CNBD1: variants seen among roughly 807,000 people sequenced by gnomAD.
CNBD1 encodes the protein cyclic nucleotide-binding domain-containing protein 1.
A neutral mutation model predicts 54.4 loss-of-function variants in CNBD1; 71 were observed. The ratio of observed to expected loss-of-function variants is 1.30; its 90% CI spans 1.08 to 1.59. The LOEUF (loss-of-function observed/expected upper bound fraction) is 1.59, where lower values mean the gene tolerates loss of function less well. Ranked by LOEUF, CNBD1 falls within the 40% of genes most tolerant of loss-of-function variation. The pLI is 0.00. For missense variants in CNBD1, 659 were observed against 518.0 expected (o/e 1.27, Z -2.64); for synonymous variants, 182 against 170.7 (o/e 1.07, Z -0.51).
intron 4 of CNBD1, among the ~76,000 whole-genome samples, chr8:87,133,636 A>G (rs1423783749): frequency 6.6e-6 from 1 of 151,926 alleles, no homozygotes; most frequent in Non-Finnish European, 1.5e-5. Context: ...GGGTGCTTGC[A>G]CTGATTAATA....
chr8:87,167,763 A>T (rs1812995603), intron 4 of CNBD1, among the ~76,000 whole-genome samples: 1 of 151,970 alleles, frequency 6.6e-6, no homozygotes, highest in Non-Finnish European at 1.5e-5. Flanking sequence ...ATATGGGAGG[A>T]TATTTGGTAA....
intron 10 of CNBD1, among the ~76,000 whole-genome samples, chr8:87,381,468 G>A (rs1811073149): frequency 6.6e-6 from 1 of 151,846 alleles, no homozygotes; most frequent in Non-Finnish European, 1.5e-5. Context: ...AAAACAGAAT[G>A]GAAGTCCCTT....
intron 5 of CNBD1, among the ~76,000 whole-genome samples, chr8:87,212,226 A>G (rs907814399): frequency 6.6e-6 from 1 of 152,170 alleles, no homozygotes; most frequent in Non-Finnish European, 1.5e-5. Context: ...ATTAAATAGA[A>G]AGTAATCCAA....
chr8:87,427,875 C>T (rs1808076091), intron 2 of CNBD1, among the ~76,000 whole-genome samples: 1 of 152,048 alleles, frequency 6.6e-6, no homozygotes, highest in Non-Finnish European at 1.5e-5. Flanking sequence ...TCATCCATAA[C>T]ATAAAGGGCA....
In CNBD1 at chr8:87,344,840, G is replaced by C. The variant is rs181849776; in HGVS notation, c.1043-6845G>C. 2.0e-5 allele frequency among the ~76,000 whole-genome samples: 3 copies of C among 152,042 alleles called. No homozygotes were observed. The South Asian group carries it at 6.2e-4, about 31-fold the overall frequency. On this transcript the variant is annotated intron_variant, in intron 8 of 10. Coordinates refer to ENST00000518476, the MANE Select transcript of CNBD1 (RefSeq NM_173538.3). ...CTGAAACAATGCTGCTTAAATAATT[G>C]AACTGAAATCATTATAGGTAGTTAG... is the stretch of plus-strand genomic sequence containing the variant.
chr8:87,037,444 T>C (rs1212473847), intron 4 of CNBD1, among the ~76,000 whole-genome samples: 1 of 152,158 alleles, frequency 6.6e-6, no homozygotes, highest in Non-Finnish European at 1.5e-5. Context: ...CAGAAACTCA[T>C]TAAGCATTAG....
At chr8:86,970,519 T>A (rs1036716857) in intron 4 of CNBD1, among the ~76,000 whole-genome samples, 50 of 152,172 alleles carry the variant, frequency 3.3e-4, no homozygotes, top group African/African-American at 1.2e-3. Flanking sequence ...GTATATTGTA[T>A]AGTGCTGAAG....
intron 8 of CNBD1, among the ~76,000 whole-genome samples, chr8:87,319,575 A>C (rs1181427682): frequency 6.6e-6 from 1 of 152,260 alleles, no homozygotes; most frequent in South Asian, 2.1e-4. Context: ...TATACAAAAA[A>C]GTTACAGGAT....
chr8:87,236,921 G>GT lies in CNBD1; in HGVS notation c.582dup (p.Ala195CysfsTer3). Reference sequence around the variant, plus strand: ...TTTTTTGGCTTTGTTTTTTTCAGTGGTTGCAAATGATGGATTTTATGTAAT... The same window carrying GT: ...TTTTTTGGCTTTGTTTTTTTCAGTGGTTTGCAAATGATGGATTTTATGTAAT... On this transcript the variant is annotated frameshift_variant, in exon 6 of 11. Coordinates refer to ENST00000518476, the MANE Select transcript of CNBD1 (RefSeq NM_173538.3). LOFTEE classifies it high-confidence loss of function. 6.3e-7 allele frequency: 1 copy of GT among 1,585,684 alleles called. No homozygotes were observed. Among genetic ancestry groups the GT allele is most frequent in the Non-Finnish European group, 8.6e-7 (1 of 1,164,934 alleles).
intron 4 of CNBD1, among the ~76,000 whole-genome samples, chr8:86,993,677 T>A (rs923881246): frequency 1.3e-5 from 2 of 152,222 alleles, no homozygotes; most frequent in African/African-American, 4.8e-5. Context: ...GATCTTTATT[T>A]GTGGCTGGAT....
intron 3 of CNBD1, among the ~76,000 whole-genome samples, chr8:86,933,996 T>TA (rs1338529252): frequency 6.6e-6 from 1 of 152,178 alleles, no homozygotes; most frequent in East Asian, 1.9e-4. Flanking sequence ...GTACAGTGGC[T>TA]ACTTGATAGG....
intron 3 of CNBD1, among the ~76,000 whole-genome samples, chr8:86,918,607 T>G (rs915760570): frequency 7.2e-5 from 11 of 151,890 alleles, no homozygotes; most frequent in East Asian, 1.9e-4. Context: ...TTTCCCCTTC[T>G]GCTTGGCTCT....
chr8:87,181,060 G>A (rs1813301557), intron 4 of CNBD1, among the ~76,000 whole-genome samples: 1 of 152,008 alleles, frequency 6.6e-6, no homozygotes. Flanking sequence ...GAAACGTGCT[G>A]CACACTCATC....
At chr8:87,206,466 A>T (rs908633004) in intron 5 of CNBD1, among the ~76,000 whole-genome samples, 1 of 152,138 alleles carries the variant, frequency 6.6e-6, no homozygotes, top group Non-Finnish European at 1.5e-5. Flanking sequence ...CCTCAATTTC[A>T]TTTATAATAC....
At chr8:87,363,731 T>C (rs1169469228) in intron 10 of CNBD1, among the ~76,000 whole-genome samples, 1 of 152,152 alleles carries the variant, frequency 6.6e-6, no homozygotes, top group African/African-American at 2.4e-5. Context: ...TTTGTTTAAG[T>C]TCCTTGTGGA....
intron 3 of CNBD1, among the ~76,000 whole-genome samples, chr8:86,935,254 T>G (rs2130414636): frequency 6.6e-6 from 1 of 152,174 alleles, no homozygotes; most frequent in African/African-American, 2.4e-5. Flanking sequence ...GCTAGGATGG[T>G]CTCGATCTCC....
intron 2 of CNBD1, among the ~76,000 whole-genome samples, chr8:87,417,504 G>T (rs1259420464): frequency 6.6e-6 from 1 of 152,010 alleles, no homozygotes; most frequent in Non-Finnish European, 1.5e-5. Context: ...AATTTGGCAA[G>T]TAAATGGAAG....
intron 4 of CNBD1, among the ~76,000 whole-genome samples, chr8:86,946,533 C>T (rs149328629): frequency 2.8e-3 from 428 of 152,080 alleles, no homozygotes; most frequent in African/African-American, 3.5e-3. Flanking sequence ...TTCTTGTTTT[C>T]GGTGACATAG....
chr8:87,105,498 G>A (rs1811514769), intron 4 of CNBD1, among the ~76,000 whole-genome samples: 1 of 152,050 alleles, frequency 6.6e-6, no homozygotes, highest in African/African-American at 2.4e-5. Flanking sequence ...TCCATATCCT[G>A]GATGTCATAC....
Sources: allele counts gnomAD v4.1 joint callset (sites outside exome capture counted in the v4.1 genomes callset), GRCh38; gene constraint gnomAD v4.1.1; transcripts MANE v1.5; gene names NCBI Gene and HGNC (gene_info 2026-07-23, HGNC 2026-07-21).